The following NETO1 variants were observed in gnomAD, a reference collection of about 807,000 sequenced individuals.
The protein encoded by NETO1 is neuropilin and tolloid-like protein 1.
NETO1 carries 26 observed loss-of-function variants against 61.3 expected under a neutral mutation model. The observed-to-expected ratio is 0.42, with a 90% CI of 0.31 to 0.59. NETO1 has a LOEUF of 0.59. Among genes scored for constraint, NETO1 ranks in the 20% least tolerant of loss-of-function variants. NETO1 has a pLI of 0.12. For synonymous variants in NETO1, 225 were observed against 225.8 expected (o/e 1.00, Z 0.03); for missense variants, 531 against 662.8 (o/e 0.80, Z 2.18).
Position 72,858,911 on chromosome 18 carries a change from G to A in NETO1, c.384C>T (p.Ser128=), listed in dbSNP as rs1200389959. 3.1e-6 allele frequency: 5 copies of A among 1,613,792 alleles called. No homozygotes were observed. In the Admixed American group the frequency reaches 8.3e-5, roughly 27 times the overall value. Residue 128 remains serine, a synonymous_variant, in exon 4 of 11, where the codon TCC becomes TCT. Transcript: ENST00000327305. The part of the protein sequence containing the change: ...CGQQNPPVIK[S]SGRFLWIKFF... ...ATTTAATCCATAGAAATCTTCCACT[G>A]GATTTTATGACAGGTGGATTTTGTT...
intron 4 of NETO1, among the ~76,000 whole-genome samples, chr18:72,799,711 G>A (rs114606270): frequency 0.01 from 1,566 of 152,356 alleles, 24 homozygotes; most frequent in African/African-American, 0.036. Context: ...GCTCTGAGGA[G>A]TTGGATGCTG....
intron 8 of NETO1, 119 bp downstream of exon 8, chr18:72,755,915 G>A (rs1453941496): frequency 1.8e-5 from 10 of 566,532 alleles, no homozygotes; most frequent in South Asian, 2.6e-5. Flanking sequence ...AGACATATGC[G>A]GTGGTCATAA....
At position 72,861,633 on chromosome 18, in the gene NETO1, T is replaced by C. The variant is rs7232449; in HGVS notation, c.221-2559A>G. 6.8e-3 allele frequency among the ~76,000 whole-genome samples: 1,029 copies of C among 152,314 alleles called. 6 individuals carry two copies. The highest frequency in any genetic ancestry group is 0.011 in the Non-Finnish European group (775 of 68,016). On this transcript the variant is annotated intron_variant, in intron 3 of 10. Transcript: ENST00000327305. ...GAATATTTCCTCCATTTTGAGGGAA[T>C]GTTTAGGCCACCTGACAGTCAAAAA...
chr18:72,847,892 G>A (rs915571576), intron 4 of NETO1, among the ~76,000 whole-genome samples: 4 of 152,170 alleles, frequency 2.6e-5, no homozygotes, highest in African/African-American at 7.2e-5. Context: ...TAAAATCACA[G>A]TTTTAGCAGA....
At chr18:72,791,174 T>A (rs1290516812) in intron 6 of NETO1, among the ~76,000 whole-genome samples, 1 of 152,208 alleles carries the variant, frequency 6.6e-6, no homozygotes, top group Non-Finnish European at 1.5e-5. Flanking sequence ...TAGATTAATA[T>A]TCTGTAGTAA....
chr18:72,794,068 A>C (rs751148996), intron 6 of NETO1, 49 bp downstream of exon 6: 20 of 1,612,894 alleles, frequency 1.2e-5, no homozygotes, highest in Non-Finnish European at 1.7e-5. Flanking sequence ...CTTGTTATAG[A>C]CACTTCTCAA....
chr18:72,853,176 T>G (rs2074307194), intron 4 of NETO1: 1 of 152,192 alleles, frequency 6.6e-6, no homozygotes, highest in South Asian at 2.1e-4. Context: ...CTCTGTGATT[T>G]TCAAGTTTTT....
chr18:72,776,025 C>T (rs1200134494), intron 7 of NETO1, among the ~76,000 whole-genome samples: 1 of 152,084 alleles, frequency 6.6e-6, no homozygotes, highest in Non-Finnish European at 1.5e-5. Flanking sequence ...TAAAGGCATA[C>T]TGGGGTAGTT....
chr18:72,834,401 G>A, intron 4 of NETO1: 2 of 953,092 alleles, frequency 2.1e-6, no homozygotes, highest in Non-Finnish European at 2.5e-6. Flanking sequence ...ATTTAATGAA[G>A]GGAGTATAAG....
intron 4 of NETO1, chr18:72,853,515 T>TGG (rs1469253498): frequency 6.6e-6 from 1 of 152,142 alleles, no homozygotes; most frequent in African/African-American, 2.4e-5. Context: ...TCCTAGCATT[T>TGG]GGGGGGCTGA....
intron 4 of NETO1, among the ~76,000 whole-genome samples, chr18:72,847,109 C>T (rs1039838681): frequency 6.6e-6 from 1 of 152,076 alleles, no homozygotes; most frequent in African/African-American, 2.4e-5. Flanking sequence ...AGAAAAGTTC[C>T]CAGGGAATAG....
chr18:72,844,193 T>A (rs779875924), intron 4 of NETO1, among the ~76,000 whole-genome samples: 11 of 151,900 alleles, frequency 7.2e-5, no homozygotes, highest in Non-Finnish European at 1.3e-4. Context: ...TCTACTTCTC[T>A]TTCTCAACAC....
intron 7 of NETO1, among the ~76,000 whole-genome samples, chr18:72,762,566 A>G (rs1391082173): frequency 6.6e-6 from 1 of 152,152 alleles, no homozygotes; most frequent in Non-Finnish European, 1.5e-5. Context: ...GTTTGCATGA[A>G]AAAATACGAA....
At chr18:72,763,947 C>T (rs2071066850) in intron 7 of NETO1, among the ~76,000 whole-genome samples, 2 of 152,244 alleles carry the variant, frequency 1.3e-5, no homozygotes, top group Admixed American at 6.5e-5. Flanking sequence ...ACAGGCACTT[C>T]TTACATGGTG....
At chr18:72,835,655 CA>C (rs1373893816) in intron 4 of NETO1, among the ~76,000 whole-genome samples, 1 of 152,058 alleles carries the variant, frequency 6.6e-6, no homozygotes, top group Non-Finnish European at 1.5e-5. Context: ...ACCATTACTC[CA>C]AATATAAATG....
intron 4 of NETO1, among the ~76,000 whole-genome samples, chr18:72,827,504 A>T (rs2073419530): frequency 6.6e-6 from 1 of 152,166 alleles, no homozygotes; most frequent in African/African-American, 2.4e-5. Flanking sequence ...TTGAGAAACA[A>T]GATTGCAAGA....
rs1378693627 is a variant in NETO1, at chr18:72,750,222, G to C, written c.1381C>G (p.Gln461Glu). 1.2e-6 allele frequency: 2 copies of C among 1,614,090 alleles called. No individual in the cohort carries two copies. Among genetic ancestry groups the C allele is most frequent in the Non-Finnish European group, 1.7e-6 (2 of 1,179,978 alleles). ...DASILTEMPT[Q>E]PGKPLIPPMN... Reference sequence around the variant, plus strand: ...GGTGGGATGAGGGGTTTTCCTGGCTGTGTGGGCATCTCTGTCAAGATAGAA... The same window carrying C: ...GGTGGGATGAGGGGTTTTCCTGGCTCTGTGGGCATCTCTGTCAAGATAGAA... The change falls in exon 9 of 11, where the codon CAG (glutamine) becomes GAG (glutamate). Residue 461 changes from glutamine to glutamate, a missense_variant. Gln to Glu is a conservative substitution (Grantham distance 29). Transcript: ENST00000327305.
At chr18:72,829,948 C>T (rs774370649) in intron 4 of NETO1, among the ~76,000 whole-genome samples, 17 of 152,244 alleles carry the variant, frequency 1.1e-4, no homozygotes, top group East Asian at 1.9e-4. Flanking sequence ...TGAATATATT[C>T]GCAGTGTATC....
intron 5 of NETO1, 21 bp downstream of exon 5, chr18:72,794,342 T>C (rs757746552): frequency 1.8e-5 from 29 of 1,612,998 alleles, no homozygotes; most frequent in Admixed American, 5.0e-5. Context: ...CTGAACAGTA[T>C]TAAATATCTA....
Sources: gnomAD v4.1 joint callset for allele counts (sites outside exome capture counted in the v4.1 genomes callset) on GRCh38, gnomAD v4.1.1 for gene constraint, MANE v1.5 for transcripts, NCBI Gene and HGNC (gene_info 2026-07-23, HGNC 2026-07-21) for gene names.